Variants in UBR4 observed in about 807,000 individuals in gnomAD.
The protein encoded by UBR4 is E3 ubiquitin-protein ligase UBR4.
Under a neutral mutation model 575.6 loss-of-function variants are expected in UBR4, and 124 were observed. That is an observed-to-expected ratio of 0.22 (90% CI 0.19 to 0.25). UBR4 has a LOEUF of 0.25. UBR4 is among the 10% of genes least tolerant of loss of function. UBR4 has a pLI of 1.00. For missense variants in UBR4, 4,818 were observed against 6,478.8 expected (o/e 0.74, Z 8.80); for synonymous variants, 2,455 against 2,473.7 (o/e 0.99, Z 0.22).
intron 64 of UBR4, among the ~76,000 whole-genome samples, chr1:19,125,257 A>G (rs918147924): frequency 6.6e-6 from 1 of 152,222 alleles, no homozygotes; most frequent in Non-Finnish European, 1.5e-5. Flanking sequence ...AGAATCTGTA[A>G]GAGTTTGAGG....
At chr1:19,201,243 G>T (rs2092727922) in intron 2 of UBR4, among the ~76,000 whole-genome samples, 1 of 152,182 alleles carries the variant, frequency 6.6e-6, no homozygotes, top group Non-Finnish European at 1.5e-5. Flanking sequence ...TAGCCATTTT[G>T]GGGGTAGAAA....
At chr1:19,164,471 A>T (rs2087941380) in intron 32 of UBR4, 30 bp from the exon 33 acceptor site, 1 of 1,599,220 alleles carries the variant, frequency 6.3e-7, no homozygotes, top group Non-Finnish European at 8.5e-7. Context: ...AAGTTGGTGA[A>T]TAATCAACAG....
In UBR4 at chr1:19,101,619, G is replaced by C; in HGVS notation, c.12924C>G (p.Ala4308=). 6.2e-7 allele frequency: 1 copy of C among 1,611,122 alleles called. No homozygotes were observed. Among genetic ancestry groups the C allele is most frequent in the Non-Finnish European group, 8.5e-7 (1 of 1,177,384 alleles). The change falls in exon 88 of 106, where the codon GCC becomes GCG. Residue 4308 remains alanine (A), a synonymous_variant. Transcript: ENST00000375254. ...MTTGTESETK[A]FMAVCIETAK... ...CTGTCTCAATGCACACAGCCATGAA[G>C]GCCTTGGTTTCTGATTCTGTACCTG...
rs74056761 is a variant in UBR4 at position 19,139,061 on chromosome 1, G to A, written c.8731+22C>T. ...CCCCACCCTCTGCCCAAGGAGACAG[G>A]ACCCCCGCCATGGCACATTACCACT... is the stretch of plus-strand genomic sequence containing the variant. On this transcript the variant is annotated intron_variant, in intron 59 of 105. Coordinates refer to ENST00000375254, the MANE Select transcript of UBR4 (RefSeq NM_020765.3). The surrounding 1 kb of genome is among the most constrained non-coding windows in gnomAD (Gnocchi z 4.2). The A allele has an allele frequency of 1.9e-3, 3,016 of 1,595,098 alleles. 46 individuals are homozygous for A. In the African/African-American group the frequency reaches 0.036, roughly 19 times the overall value.
intron 1 of UBR4, among the ~76,000 whole-genome samples, chr1:19,204,527 T>TA (rs142907721): frequency 0.14 from 20,733 of 145,498 alleles, 1,497 homozygotes; most frequent in African/African-American, 0.18. Flanking sequence ...ATGAAATATA[T>TA]AAAAAAAAAT....
chr1:19,191,147 G>A (rs1193024540), intron 11 of UBR4, among the ~76,000 whole-genome samples: 2 of 152,058 alleles, frequency 1.3e-5, no homozygotes, highest in African/African-American at 4.8e-5. Context: ...AGCCCTTTCT[G>A]GATCATCCTA....
intron 103 of UBR4, chr1:19,080,836 T>C (rs1420085498): frequency 3.9e-5 from 6 of 153,182 alleles, no homozygotes; most frequent in African/African-American, 1.4e-4. Flanking sequence ...CTTTCTGACA[T>C]GCTCTTTCTT....
At chr1:19,082,204 AATGATG>A in intron 102 of UBR4, 2 of 188,330 alleles carry the variant, frequency 1.1e-5, no homozygotes. Flanking sequence ...CCTAAGTTGC[AATGATG>A]ATGATGATGA....
At chr1:19,199,371 T>C (rs780513839) in intron 3 of UBR4, among the ~76,000 whole-genome samples, 4 of 152,208 alleles carry the variant, frequency 2.6e-5, no homozygotes, top group Non-Finnish European at 5.9e-5. Context: ...TGTAGCCCCA[T>C]GTACCAGAGG....
At position 19,160,097 on chromosome 1, in the gene UBR4, C is replaced by G. The variant is rs79506878; in HGVS notation, c.5577+14G>C. 67 of 1,605,234 alleles carry G rather than the reference C, an allele frequency of 4.2e-5. 1 individual carries two copies. The East Asian group carries it at 1.5e-3, about 35-fold the overall frequency. Reference sequence around the variant, plus strand: ...TCCCACAGCCACCAAACATCATGGCCCCAAGACACTCACCATCAGCTGGTC... The same window carrying G: ...TCCCACAGCCACCAAACATCATGGCGCCAAGACACTCACCATCAGCTGGTC... On this transcript the variant is annotated intron_variant, in intron 39 of 105. Transcript: ENST00000375254.
At chr1:19,194,353 T>TC (rs2092316887) in intron 8 of UBR4, among the ~76,000 whole-genome samples, 2 of 152,154 alleles carry the variant, frequency 1.3e-5, no homozygotes, top group South Asian at 4.1e-4. Flanking sequence ...CCAGGTGTGG[T>TC]GGTGCATGCC....
intron 26 of UBR4, 31 bp downstream of exon 26, chr1:19,170,731 A>C (rs766366575): frequency 6.2e-7 from 1 of 1,614,020 alleles, no homozygotes; most frequent in African/African-American, 1.3e-5. Flanking sequence ...TGTTGTAATA[A>C]TATTACTCAA....
At chr1:19,161,951 C>A in intron 35 of UBR4, 54 bp from the exon 36 acceptor site, 1 of 1,599,074 alleles carries the variant, frequency 6.3e-7, no homozygotes. Flanking sequence ...ATATAAACAC[C>A]CACAAAAACA....
chr1:19,080,274 GC>G (rs2076355036), intron 103 of UBR4: 1 of 152,240 alleles, frequency 6.6e-6, no homozygotes, highest in Non-Finnish European at 1.5e-5. Flanking sequence ...CTAACAAGAC[GC>G]CCCCTCCCAC....
chr1:19,177,400 C>T (rs2090384514), intron 19 of UBR4, 61 bp downstream of exon 19: 2 of 1,581,472 alleles, frequency 1.3e-6, no homozygotes, highest in East Asian at 2.2e-5. Context: ...ATCATGGTAA[C>T]CATTGAGAAG....
chr1:19,166,965 T>C, intron 29 of UBR4, 57 bp downstream of exon 29: 1 of 1,584,068 alleles, frequency 6.3e-7, no homozygotes, highest in Non-Finnish European at 8.7e-7. Context: ...TGTTAGTACA[T>C]TTCACTGATA....
At position 19,157,167 on chromosome 1, in the gene UBR4, CA is replaced by C. The variant is rs2086567957; in HGVS notation, c.5761-243del. Among the ~76,000 whole-genome samples, 1 of 152,160 alleles carries C rather than the reference CA, an allele frequency of 6.6e-6. No individual in the cohort carries two copies. The highest frequency in any genetic ancestry group is 2.4e-5 in the African/African-American group (1 of 41,424). On this transcript the variant is annotated intron_variant, in intron 40 of 105. Coordinates refer to ENST00000375254, the MANE Select transcript of UBR4 (RefSeq NM_020765.3). The surrounding 1 kb of genome is among the most constrained non-coding windows in gnomAD (Gnocchi z 4.4). ...AAACAATTTCTCTTTATATAGTTCA[CA>C]AAATAGTTTAAGAATACCTACGTAC...
intron 41 of UBR4, 59 bp downstream of exon 41, chr1:19,156,708 G>A (rs1177059759): frequency 1.9e-6 from 3 of 1,568,418 alleles, no homozygotes; most frequent in Non-Finnish European, 2.6e-6. Context: ...GAGAACAGGG[G>A]AGAGAAAATG....
Position 19,153,807 on chromosome 1 carries a change from A to T in UBR4, c.6591T>A (p.Phe2197Leu), listed in dbSNP as rs1168357327. The T allele has an allele frequency of 6.2e-7, 1 of 1,614,078 alleles. No individual in the cohort carries two copies. The highest frequency in any genetic ancestry group is 1.3e-5 in the African/African-American group (1 of 74,934). ...PLVVMVKPDT[F>L]LIQEIKTLPA... The stretch of plus-strand genomic sequence containing the variant: ...GAAGAGTCTTAATCTCCTGGATAAG[A>T]AAAGTGTCTGGTTTCACCATAACTA... The change falls in exon 45 of 106, where the codon TTT (phenylalanine) becomes TTA (leucine). Residue 2197 changes from phenylalanine to leucine, a missense_variant. Phe to Leu is a conservative substitution (Grantham distance 22). This residue lies in a region of UBR4 where 461 missense variants were observed against 606.9 expected (regional missense o/e 0.76). Transcript: ENST00000375254. This position sits in a 1 kb window ranked among gnomAD's most constrained non-coding sequence, Gnocchi z 4.1.
Sources: allele counts gnomAD v4.1 joint callset (sites outside exome capture counted in the v4.1 genomes callset), GRCh38; gene constraint gnomAD v4.1.1; regional missense constraint gnomAD v4.1.1; non-coding constraint Gnocchi (gnomAD v3.1); transcripts MANE v1.5; gene names NCBI Gene and HGNC (gene_info 2026-07-23, HGNC 2026-07-21).